Variants in SLC17A1 observed in about 807,000 individuals in gnomAD.
SLC17A1 encodes sodium-dependent phosphate transport protein 1.
A neutral mutation model predicts 53.5 loss-of-function variants in SLC17A1; 51 were observed. The observed-to-expected ratio is 0.95, with a 90% confidence interval of 0.76 to 1.20. The LOEUF is 1.20. SLC17A1 is among the 50% of genes most tolerant of loss of function. The pLI is 0.00. For missense variants in SLC17A1, 538 were observed against 568.2 expected (o/e 0.95, Z 0.54); for synonymous variants, 179 against 198.8 (o/e 0.90, Z 0.84).
At chr6:25,752,620 A>G in the SLC17A1 span, among the ~76,000 whole-genome samples, 1 of 152,346 alleles carries the variant, frequency 6.6e-6, no homozygotes, top group East Asian at 1.9e-4. Context: ...TCTGGTAATC[A>G]CAGCTTAAAA....
chr6:25,776,959 G>A, the SLC17A1 span: 16 of 1,608,516 alleles, frequency 9.9e-6, no homozygotes, highest in African/African-American at 1.2e-4. Context: ...ATTGCTCCTC[G>A]GTAGGGACCT....
the SLC17A1 span, chr6:25,732,664 C>T: frequency 8.9e-6 from 12 of 1,344,806 alleles, no homozygotes; most frequent in Admixed American, 1.8e-5. Flanking sequence ...AGAAGACCCG[C>T]ATCATCCCGC....
chr6:25,806,895 TA>T (rs1763975016), intron 10 of SLC17A1, among the ~76,000 whole-genome samples: 1 of 151,604 alleles, frequency 6.6e-6, no homozygotes, highest in Non-Finnish European at 1.5e-5. Flanking sequence ...AAAAAGAAAA[TA>T]TACAAATGGC....
the SLC17A1 span, among the ~76,000 whole-genome samples, chr6:25,765,815 AAC>A: frequency 6.6e-6 from 1 of 152,154 alleles, no homozygotes; most frequent in South Asian, 2.1e-4. Flanking sequence ...AGAAAAATGA[AAC>A]AGACAACTTA....
At chr6:25,809,296 T>C (rs1924469) in intron 10 of SLC17A1, among the ~76,000 whole-genome samples, 42,282 of 151,868 alleles carry the variant, frequency 0.28, 6,392 homozygotes, top group African/African-American at 0.4. Context: ...GTATGATGTA[T>C]ATTATTCAGG....
At position 25,811,484 on chromosome 6, in the gene SLC17A1, G is replaced by A; in HGVS notation, c.1092C>T (p.Ser364=). The A allele has an allele frequency of 1.2e-6, 2 of 1,613,998 alleles. No homozygotes were observed. Among genetic ancestry groups the A allele is most frequent in the Non-Finnish European group, 1.7e-6 (2 of 1,179,922 alleles). Residue 364 remains serine (S), a synonymous_variant, in exon 10 of 13, where the codon AGC becomes AGT. Transcript: ENST00000244527. ...CAGCAAGTATTAGGAAAATGACAAT[G>A]CTGTAGAAGGTGGAACTCAGGTAAG... ...CLPYLSSTFY[S]IVIFLILAGA... is the part of the protein sequence containing the mutation.
chr6:25,827,922 C>T (rs1301733713), intron 2 of SLC17A1, among the ~76,000 whole-genome samples: 1 of 152,118 alleles, frequency 6.6e-6, no homozygotes, highest in Non-Finnish European at 1.5e-5. Context: ...AATTCTTCAT[C>T]TTATTACATT....
intron 10 of SLC17A1, among the ~76,000 whole-genome samples, chr6:25,803,671 T>C (rs750753751): frequency 3.3e-5 from 5 of 152,136 alleles, no homozygotes; most frequent in Non-Finnish European, 7.4e-5. Flanking sequence ...CAAAATTAAG[T>C]ATCTGAACCT....
At chr6:25,789,110 A>G (rs1332103456) in intron 12 of SLC17A1, among the ~76,000 whole-genome samples, 1 of 152,164 alleles carries the variant, frequency 6.6e-6, no homozygotes, top group Non-Finnish European at 1.5e-5. Context: ...TGGTTTCTAA[A>G]TACAATTCTC....
downstream of SLC17A1, among the ~76,000 whole-genome samples, chr6:25,782,412 A>C (rs1280854880): frequency 1.3e-5 from 2 of 152,186 alleles, no homozygotes; most frequent in Non-Finnish European, 2.9e-5. Flanking sequence ...TTTAACACAA[A>C]GAACAACAGT....
downstream of SLC17A1, among the ~76,000 whole-genome samples, chr6:25,782,487 C>G (rs1763288684): frequency 6.6e-6 from 1 of 152,046 alleles, no homozygotes; most frequent in Admixed American, 6.6e-5. Flanking sequence ...ATGAACAGCT[C>G]CAGAGTGGTG....
intron 10 of SLC17A1, among the ~76,000 whole-genome samples, chr6:25,806,272 T>G (rs1459322389): frequency 6.6e-6 from 1 of 151,896 alleles, no homozygotes; most frequent in Non-Finnish European, 1.5e-5. Context: ...GAGTTAAAAA[T>G]AAAACCCATA....
chr6:25,726,471 A>G, the SLC17A1 span: 7 of 1,613,906 alleles, frequency 4.3e-6, no homozygotes, highest in Non-Finnish European at 5.9e-6. Context: ...CCGCTCTAGA[A>G]GAGCGAGACT....
rs780167760 is a variant in SLC17A1 at position 25,826,544 on chromosome 6, G to A, written c.124C>T (p.Leu42Phe). ...CTATTCACCATGACTACCATTGTGA[G>A]GTTCAGGCACGCACGCTGTGCTGTT... ...IITAQRACLN[L>F]TMVVMVNSTD... Residue 42 changes from leucine to phenylalanine, a missense_variant, in exon 3 of 13, where the codon CTC becomes TTC. By Grantham distance (22) the Leu-to-Phe change is conservative (BLOSUM62 0). Coordinates refer to ENST00000244527, the MANE Select transcript of SLC17A1 (RefSeq NM_005074.5). 6.2e-7 allele frequency: 1 copy of A among 1,612,166 alleles called. No individual in the cohort carries two copies. The highest frequency in any genetic ancestry group is 2.2e-5 in the East Asian group (1 of 44,816).
At chr6:25,741,415 CAAA>C in the SLC17A1 span, among the ~76,000 whole-genome samples, 214 of 82,898 alleles carry the variant, frequency 2.6e-3, 6 homozygotes, top group East Asian at 0.021. Flanking sequence ...ACTAAGAATC[CAAA>C]AAAAAAAAAA....
chr6:25,732,113 T>C, the SLC17A1 span: 1 of 729,478 alleles, frequency 1.4e-6, no homozygotes, highest in East Asian at 3.8e-5. Context: ...AACTGCCTTC[T>C]TAAAGCCCTT....
chr6:25,730,081 A>G, the SLC17A1 span, among the ~76,000 whole-genome samples: 1 of 152,240 alleles, frequency 6.6e-6, no homozygotes, highest in Non-Finnish European at 1.5e-5. Flanking sequence ...TAGTGCATAC[A>G]TTGTGGAAAA....
At chr6:25,742,202 A>G in the SLC17A1 span, among the ~76,000 whole-genome samples, 1 of 152,222 alleles carries the variant, frequency 6.6e-6, no homozygotes, top group Admixed American at 6.5e-5. Flanking sequence ...CCAACCAATC[A>G]GTGTTCAGCT....
the SLC17A1 span, among the ~76,000 whole-genome samples, chr6:25,741,451 A>C: frequency 1.3e-5 from 2 of 149,654 alleles, no homozygotes; most frequent in African/African-American, 2.4e-5. Context: ...GCAGCGGGTC[A>C]CGCCGGTAAT....
Sources: gnomAD v4.1 joint callset for allele counts (sites outside exome capture counted in the v4.1 genomes callset) on GRCh38, gnomAD v4.1.1 for gene constraint, MANE v1.5 for transcripts, NCBI Gene and HGNC (gene_info 2026-07-23, HGNC 2026-07-21) for gene names.